The following LIMS1 variants were observed in gnomAD, a reference collection of about 807,000 sequenced individuals.
LIMS1 encodes LIM zinc finger domain containing 1.
In LIMS1, 18 loss-of-function variants were observed where a neutral mutation model predicts 44.1. That is an observed-to-expected ratio of 0.41 (90% CI 0.28 to 0.61). The LOEUF (loss-of-function observed/expected upper bound fraction) is 0.61, where lower values mean the gene tolerates loss of function less well. LIMS1 is among the 20% of genes least tolerant of loss of function. LIMS1 has a pLI of 0.32. For synonymous variants in LIMS1, 93 were observed against 149.1 expected (o/e 0.62, Z 2.74); for missense variants, 201 against 422.0 (o/e 0.48, Z 4.59).
intron 1 of LIMS1, among the ~76,000 whole-genome samples, chr2:108,567,836 T>C (rs982841685): frequency 1.3e-5 from 2 of 152,198 alleles, no homozygotes; most frequent in Non-Finnish European, 2.9e-5. Context: ...CCTCCCAAAA[T>C]GCTAGGATTA....
intron 1 of LIMS1, among the ~76,000 whole-genome samples, chr2:108,570,748 C>G (rs1685454425): frequency 6.6e-6 from 1 of 152,042 alleles, no homozygotes; most frequent in Non-Finnish European, 1.5e-5. Flanking sequence ...CCTGGAGGTC[C>G]GCAGTGCTGA....
At chr2:108,665,772 C>T (rs889131354) in intron 2 of LIMS1, among the ~76,000 whole-genome samples, 1 of 152,158 alleles carries the variant, frequency 6.6e-6, no homozygotes, top group Admixed American at 6.5e-5. Context: ...TATCTGCCCA[C>T]CTCGGCCTTC....
chr2:108,638,997 C>T lies in LIMS1; in HGVS notation c.33-20608C>T, dbSNP rs373762699. ...GGCGGAGCCTGCAGTGAGCATGGATCGCGCTACTGCACTCCAGCGTGGGTG... is the reference window on the plus strand; with the variant it reads ...GGCGGAGCCTGCAGTGAGCATGGATTGCGCTACTGCACTCCAGCGTGGGTG... On this transcript the variant is annotated intron_variant, in intron 1 of 9. Coordinates refer to ENST00000544547, the Ensembl canonical transcript of LIMS1. 7.2e-5 allele frequency among the ~76,000 whole-genome samples: 11 copies of T among 151,926 alleles called. No homozygotes were observed. In the East Asian group the frequency reaches 1.2e-3, roughly 16 times the overall value.
At chr2:108,615,768 T>C (rs1687896220) in intron 1 of LIMS1, among the ~76,000 whole-genome samples, 1 of 152,208 alleles carries the variant, frequency 6.6e-6, no homozygotes, top group African/African-American at 2.4e-5. Flanking sequence ...GCACAGGTCC[T>C]GTCTGAAAAC....
chr2:108,580,390 A>G (rs1035980399), intron 1 of LIMS1, among the ~76,000 whole-genome samples: 3 of 152,194 alleles, frequency 2.0e-5, no homozygotes, highest in East Asian at 3.9e-4. Flanking sequence ...TGCCTAGTCA[A>G]TCAAGGTAGG....
chr2:108,681,250 G>A (rs1330314096), intron 9 of LIMS1: 1 of 1,243,496 alleles, frequency 8.0e-7, no homozygotes, highest in Non-Finnish European at 1.0e-6. Context: ...GTAGTCATCA[G>A]AGATTGAAAT....
At chr2:108,635,353 G>A (rs1023373702) in intron 1 of LIMS1, among the ~76,000 whole-genome samples, 7 of 150,474 alleles carry the variant, frequency 4.7e-5, no homozygotes, top group Non-Finnish European at 1.0e-4. Context: ...GCTTGAACTC[G>A]GAAGGCAGAA....
intron 1 of LIMS1, among the ~76,000 whole-genome samples, chr2:108,579,105 G>T (rs915261612): frequency 6.6e-6 from 1 of 151,830 alleles, no homozygotes; most frequent in Non-Finnish European, 1.5e-5. Flanking sequence ...AATTTTTTTT[G>T]ACTGGTTTAA....
chr2:108,582,597 A>G (rs2104658492), intron 1 of LIMS1, among the ~76,000 whole-genome samples: 1 of 152,126 alleles, frequency 6.6e-6, no homozygotes, highest in East Asian at 1.9e-4. Flanking sequence ...TTGAAACCCC[A>G]TTTCTACTAA....
intron 1 of LIMS1, among the ~76,000 whole-genome samples, chr2:108,559,237 A>G (rs1024636250): frequency 4.6e-5 from 7 of 152,338 alleles, no homozygotes; most frequent in African/African-American, 1.7e-4. Flanking sequence ...ACATCCATGG[A>G]TGTGAGAAAT....
chr2:108,622,609 G>A (rs1023796507), intron 1 of LIMS1, among the ~76,000 whole-genome samples: 1 of 152,108 alleles, frequency 6.6e-6, no homozygotes, highest in Non-Finnish European at 1.5e-5. Flanking sequence ...GAATTGACTG[G>A]ATTAAACAAT....
chr2:108,664,325 A>G (rs1284213684), intron 2 of LIMS1, among the ~76,000 whole-genome samples: 3 of 152,236 alleles, frequency 2.0e-5, no homozygotes, highest in Admixed American at 1.3e-4. Flanking sequence ...AGCAGCTCAG[A>G]ATAATTGTTT....
intron 1 of LIMS1, among the ~76,000 whole-genome samples, chr2:108,544,044 TCTCTC>T (rs550248905): frequency 6.6e-6 from 1 of 152,084 alleles, no homozygotes; most frequent in Non-Finnish European, 1.5e-5. Context: ...TTTCTCTCCC[TCTCTC>T]TTTTCTCTCT....
chr2:108,551,840 ACT>A (rs1684735269), intron 1 of LIMS1, among the ~76,000 whole-genome samples: 1 of 146,288 alleles, frequency 6.8e-6, no homozygotes, highest in Non-Finnish European at 1.5e-5. Flanking sequence ...ATACACATAT[ACT>A]GTATATATAC....
intron 1 of LIMS1, among the ~76,000 whole-genome samples, chr2:108,599,804 T>A (rs1686904263): frequency 6.6e-6 from 1 of 152,108 alleles, no homozygotes; most frequent in Non-Finnish European, 1.5e-5. Flanking sequence ...TTCATAGGCC[T>A]GTTTGCCATT....
rs1021888628 is a variant in LIMS1, at chr2:108,638,681, A to T, written c.33-20924A>T. Among the ~76,000 whole-genome samples the T allele has an allele frequency of 2.0e-5, 3 of 151,982 alleles. No individual in the cohort carries two copies. In the South Asian group the frequency reaches 6.2e-4, roughly 32 times the overall value. ...AGAATCACTTGAACCCAGGAGATCGAGGTTGCGGTGAGTCAAAATTGCACC... is the reference window on the plus strand; with the variant it reads ...AGAATCACTTGAACCCAGGAGATCGTGGTTGCGGTGAGTCAAAATTGCACC... On this transcript the variant is annotated intron_variant, in intron 1 of 9. Coordinates refer to ENST00000544547, the Ensembl canonical transcript of LIMS1.
chr2:108,539,849 A>G (rs1015179870), intron 1 of LIMS1, among the ~76,000 whole-genome samples: 2 of 152,096 alleles, frequency 1.3e-5, no homozygotes. Context: ...GGCACCTAAC[A>G]TGGTTGCTTT....
chr2:108,669,331 C>T (rs1292095360), intron 2 of LIMS1, among the ~76,000 whole-genome samples: 1 of 152,038 alleles, frequency 6.6e-6, no homozygotes, highest in Non-Finnish European at 1.5e-5. Context: ...TCGCCTGAAC[C>T]CAAGAGGCAG....
chr2:108,654,017 C>A (rs1690681196), intron 1 of LIMS1, among the ~76,000 whole-genome samples: 1 of 119,854 alleles, frequency 8.3e-6, no homozygotes, highest in Admixed American at 9.8e-5. Flanking sequence ...AAGTGAGCCT[C>A]AAAGGGATGA....
Sources: gnomAD v4.1 joint callset for allele counts (sites outside exome capture counted in the v4.1 genomes callset) on GRCh38, gnomAD v4.1.1 for gene constraint, MANE v1.5 for transcripts, NCBI Gene and HGNC (gene_info 2026-07-23, HGNC 2026-07-21) for gene names.